The following CAPN6 variants were observed in gnomAD, a reference collection of about 807,000 sequenced individuals.
CAPN6 encodes the protein calpain-6.
Under a neutral mutation model 46.0 loss-of-function variants are expected in CAPN6, and 16 were observed. The observed-to-expected ratio is 0.35, with a 90% CI of 0.24 to 0.53. The LOEUF (loss-of-function observed/expected upper bound fraction) is 0.53, where lower values mean the gene tolerates loss of function less well. Among genes scored for constraint, CAPN6 ranks in the 20% least tolerant of loss-of-function variants. The pLI is 0.94. For synonymous variants in CAPN6, 206 were observed against 172.8 expected (o/e 1.19, Z -1.51); for missense variants, 461 against 498.0 (o/e 0.93, Z 0.71).
intron 1 of CAPN6, among the ~76,000 whole-genome samples, chrX:111,266,475 T>C (rs1408929849): frequency 1.8e-5 from 2 of 111,957 alleles, no homozygotes. Flanking sequence ...GCCCTCTCAT[T>C]GCCTAGCATT....
chrX:111,260,940 G>C lies in CAPN6; in HGVS notation c.165+2832C>G, dbSNP rs73545230. 8.7e-3 allele frequency among the ~76,000 whole-genome samples: 978 copies of C among 112,775 alleles called. 11 individuals are homozygous for C. Among genetic ancestry groups the C allele is most frequent in the African/African-American group, 0.03 (933 of 31,058 alleles). On this transcript the variant is annotated intron_variant, in intron 2 of 12. Coordinates refer to ENST00000324068, the MANE Select transcript of CAPN6 (RefSeq NM_014289.4). ...ATGGGAGTGCCTCACCACAGGCCAT[G>C]TCTGTGTCTTGCACCAAGGCTGGCA...
rs943436571 is a variant in CAPN6 at position 111,253,030 on chromosome X, G to A, written c.484C>T (p.Leu162=). The change falls in exon 4 of 13, where the codon CTG becomes TTG. Residue 162 remains leucine (L), a synonymous_variant. Transcript: ENST00000324068. ...STSMNEFWNA[L]LEKAYAKLLG... is the part of the protein sequence containing the mutation. Reference sequence around the variant, plus strand: ...TACTTTGCATAAGCTTTTTCCAGCAGAGCATTCCAAAACTCATTCATGGAA... The same window carrying A: ...TACTTTGCATAAGCTTTTTCCAGCAAAGCATTCCAAAACTCATTCATGGAA... 5.0e-6 allele frequency: 6 copies of A among 1,210,175 alleles called. No homozygotes were observed. The highest frequency in any genetic ancestry group is 1.7e-5 in the African/African-American group (1 of 57,785).
intron 10 of CAPN6, among the ~76,000 whole-genome samples, 175 bp from the exon 11 acceptor site, chrX:111,248,167 AG>A (rs2094976087): frequency 8.9e-6 from 1 of 112,214 alleles, no homozygotes; most frequent in Non-Finnish European, 1.9e-5. Context: ...CCTTTCTTTA[AG>A]GGCCAGGAGA....
At chrX:111,258,486 A>G (rs1305580718) in intron 2 of CAPN6, among the ~76,000 whole-genome samples, 2 of 111,679 alleles carry the variant, frequency 1.8e-5, no homozygotes, top group Non-Finnish European at 3.8e-5. Flanking sequence ...GAGCTAGTCC[A>G]AGTAGTCGTT....
chrX:111,263,975 T>G (rs1301085675), intron 1 of CAPN6, 24 bp from the exon 2 acceptor site: 1 of 1,042,650 alleles, frequency 9.6e-7, no homozygotes, highest in Non-Finnish European at 1.3e-6. Flanking sequence ...AATTTTTGTC[T>G]TTGAAGGAAG....
chrX:111,249,135 G>A, intron 8 of CAPN6, 78 bp from the exon 9 acceptor site: 1 of 1,061,960 alleles, frequency 9.4e-7, no homozygotes, highest in Non-Finnish European at 1.3e-6. Context: ...AGGGAATAAA[G>A]CTTGTCATTG....
intron 1 of CAPN6, among the ~76,000 whole-genome samples, chrX:111,269,031 C>T (rs2094994091): frequency 8.9e-6 from 1 of 112,220 alleles, no homozygotes; most frequent in Non-Finnish European, 1.9e-5. Flanking sequence ...TTTTGAATTG[C>T]AAGCTGTCAG....
At chrX:111,251,394 C>T in intron 6 of CAPN6, 108 bp from the exon 7 acceptor site, 2 of 950,727 alleles carry the variant, frequency 2.1e-6, no homozygotes, top group Non-Finnish European at 3.0e-6. Flanking sequence ...ATCAGTCCTG[C>T]TTTATTTCAT....
At chrX:111,248,885 T>C (rs769867424) in intron 9 of CAPN6, 50 bp downstream of exon 9, 3 of 1,207,488 alleles carry the variant, frequency 2.5e-6, no homozygotes, top group Non-Finnish European at 3.4e-6. Flanking sequence ...ATTATCCTAA[T>C]TTTTACTCTG....
chrX:111,252,859 C>T (rs1358735489), intron 4 of CAPN6, 149 bp downstream of exon 4: 1 of 466,075 alleles, frequency 2.1e-6, no homozygotes, highest in African/African-American at 2.4e-5. Flanking sequence ...AGAGCCAGGC[C>T]CAAGTGCAAA....
intron 2 of CAPN6, among the ~76,000 whole-genome samples, chrX:111,258,131 G>A (rs2094985248): frequency 3.6e-5 from 4 of 111,675 alleles, no homozygotes; most frequent in Admixed American, 2.8e-4. Context: ...CTGTAGCCCT[G>A]CACAAGGCAC....
intron 12 of CAPN6, among the ~76,000 whole-genome samples, chrX:111,247,145 G>T (rs1416563530): frequency 9.0e-6 from 1 of 111,698 alleles, no homozygotes; most frequent in Non-Finnish European, 1.9e-5. Flanking sequence ...TGAGCATGTG[G>T]GCTTTTGCCC....
At chrX:111,262,215 C>T (rs1465999171) in intron 2 of CAPN6, among the ~76,000 whole-genome samples, 1 of 112,339 alleles carries the variant, frequency 8.9e-6, no homozygotes, top group African/African-American at 3.2e-5. Context: ...ACTGCAGACA[C>T]AGAAAGGCAG....
chrX:111,253,286 A>C, intron 3 of CAPN6, 70 bp from the exon 4 acceptor site: 1 of 855,476 alleles, frequency 1.2e-6, no homozygotes, highest in Non-Finnish European at 1.7e-6. Flanking sequence ...ATTACAGTTT[A>C]CTCCTGGCAA....
At chrX:111,257,888 C>G (rs1253787401) in intron 2 of CAPN6, among the ~76,000 whole-genome samples, 1 of 111,530 alleles carries the variant, frequency 9.0e-6, no homozygotes, top group Non-Finnish European at 1.9e-5. Context: ...ATCATTTTGT[C>G]ACGGCAAAAT....
At chrX:111,260,321 G>A (rs2094986969) in intron 2 of CAPN6, among the ~76,000 whole-genome samples, 1 of 113,143 alleles carries the variant, frequency 8.8e-6, no homozygotes, top group African/African-American at 3.2e-5. Flanking sequence ...ACTGGAGTCA[G>A]TTTGTTAAAC....
intron 1 of CAPN6, among the ~76,000 whole-genome samples, chrX:111,269,790 G>A (rs17882660): frequency 1.3e-3 from 145 of 112,203 alleles, no homozygotes; most frequent in Non-Finnish European, 2.0e-3. Flanking sequence ...AGGGCAGGAA[G>A]ACCACTGGCT....
In CAPN6 at chrX:111,251,042, T is replaced by C. The variant is rs749744412; in HGVS notation, c.1033A>G (p.Asn345Asp). 37 of 1,211,524 alleles carry C rather than the reference T, an allele frequency of 3.1e-5. No homozygotes were observed. Among genetic ancestry groups the C allele is most frequent in the Non-Finnish European group, 4.1e-5 (37 of 895,453 alleles). Residue 345 changes from asparagine to aspartate, a missense_variant, in exon 8 of 13, where the codon AAC becomes GAC. Transcript: ENST00000324068. Reference protein sequence around the residue: ...HKLNVCRNVNNPIFGRKELES... With the variant: ...HKLNVCRNVNDPIFGRKELES... Reference sequence around the variant, plus strand: ...AGCTCCTTTCGGCCAAAAATAGGGTTGTTCACATTGCGGCAGACATTCAGT... The same window carrying C: ...AGCTCCTTTCGGCCAAAAATAGGGTCGTTCACATTGCGGCAGACATTCAGT...
At chrX:111,252,984 C>A in intron 4 of CAPN6, 24 bp downstream of exon 4, 1 of 1,150,992 alleles carries the variant, frequency 8.7e-7, no homozygotes, top group Non-Finnish European at 1.2e-6. Context: ...ACCCTGATAG[C>A]AGACTAGTCA....
Sources: gnomAD v4.1 joint callset for allele counts (sites outside exome capture counted in the v4.1 genomes callset) on GRCh38, gnomAD v4.1.1 for gene constraint, MANE v1.5 for transcripts, NCBI Gene and HGNC (gene_info 2026-07-23, HGNC 2026-07-21) for gene names.